CACNA2D3: variants seen among roughly 807,000 people sequenced by gnomAD.
CACNA2D3 encodes voltage-dependent calcium channel subunit alpha-2/delta-3.
A neutral mutation model predicts 160.6 loss-of-function variants in CACNA2D3; 60 were observed. The observed-to-expected ratio is 0.37, with a 90% CI of 0.30 to 0.46. The LOEUF is 0.46. Ranked by LOEUF, CACNA2D3 falls within the 20% of genes least tolerant of loss-of-function variation. The pLI is 1.00. For missense variants in CACNA2D3, 1,205 were observed against 1,365.0 expected, an observed-to-expected ratio of 0.88 and a Z score of 1.85; for synonymous variants, 558 against 492.9, an observed-to-expected ratio of 1.13 and a Z score of -1.75.
intron 9 of CACNA2D3, chr3:54,626,310 G>A (rs1223245368): frequency 3.9e-6 from 6 of 1,546,792 alleles, no homozygotes; most frequent in South Asian, 2.4e-5. Context: ...ACAAGCGGCT[G>A]ATGCCGCTGT....
chr3:54,563,008 G>C, intron 6 of CACNA2D3, 77 bp downstream of exon 6: 1 of 1,383,040 alleles, frequency 7.2e-7, no homozygotes, highest in Non-Finnish European at 9.9e-7. Flanking sequence ...TAGGGTTCAA[G>C]GTTAAAACTT....
intron 13 of CACNA2D3, among the ~76,000 whole-genome samples, chr3:54,787,783 A>T (rs1414099315): frequency 6.6e-6 from 1 of 152,210 alleles, no homozygotes; most frequent in African/African-American, 2.4e-5. Context: ...TGCTGTTTCC[A>T]GTGATAAGAG....
intron 31 of CACNA2D3, among the ~76,000 whole-genome samples, chr3:54,997,057 G>A (rs1392002249): frequency 6.6e-6 from 1 of 152,120 alleles, no homozygotes; most frequent in African/African-American, 2.4e-5. Flanking sequence ...AGCATTAGGA[G>A]AAATACCTAA....
chr3:54,870,938 A>G (rs1180026390), intron 17 of CACNA2D3, among the ~76,000 whole-genome samples: 1 of 152,070 alleles, frequency 6.6e-6, no homozygotes, highest in Non-Finnish European at 1.5e-5. Flanking sequence ...CAAAAGGTAG[A>G]GGAGAGAGAA....
intron 11 of CACNA2D3, among the ~76,000 whole-genome samples, chr3:54,739,245 C>T (rs1246966154): frequency 6.6e-6 from 1 of 151,846 alleles, no homozygotes; most frequent in East Asian, 1.9e-4. Flanking sequence ...CATGGCAAAA[C>T]CCCATCTCTA....
intron 5 of CACNA2D3, among the ~76,000 whole-genome samples, chr3:54,547,995 A>T (rs78285149): frequency 1.3e-5 from 2 of 152,170 alleles, no homozygotes; most frequent in Non-Finnish European, 2.9e-5. Flanking sequence ...CACCCAGCCT[A>T]AAACCTCATT....
intron 13 of CACNA2D3, among the ~76,000 whole-genome samples, chr3:54,777,185 T>G (rs907107987): frequency 6.6e-6 from 1 of 152,192 alleles, no homozygotes; most frequent in African/African-American, 2.4e-5. Flanking sequence ...GTGCCAAATA[T>G]AAATGTGTTA....
rs147519749 is a variant in CACNA2D3, at chr3:54,870,706, C to T, written c.1627-833C>T. ...TTATTCATGCACTCATCAGCTTTTC[C>T]GGAGAAATGCCCTAACAGCCATTAC... On this transcript the variant is annotated intron_variant, in intron 17 of 37. Transcript: ENST00000474759. Among the ~76,000 whole-genome samples, 21 of 152,234 alleles carry T rather than the reference C, an allele frequency of 1.4e-4. No homozygotes were observed. The East Asian group carries it at 3.1e-3, about 22-fold the overall frequency.
intron 13 of CACNA2D3, among the ~76,000 whole-genome samples, chr3:54,802,123 C>G (rs1703004369): frequency 6.6e-6 from 1 of 152,160 alleles, no homozygotes; most frequent in South Asian, 2.1e-4. Context: ...TTTCCTCCTC[C>G]TCCTCTTTCA....
chr3:54,971,312 G>T (rs1470689389), intron 29 of CACNA2D3, among the ~76,000 whole-genome samples: 1 of 152,196 alleles, frequency 6.6e-6, no homozygotes, highest in African/African-American at 2.4e-5. Flanking sequence ...GACATTTATT[G>T]TCTTATTGGA....
chr3:54,337,776 A>G (rs935235187), intron 3 of CACNA2D3, among the ~76,000 whole-genome samples: 1 of 152,190 alleles, frequency 6.6e-6, no homozygotes, highest in African/African-American at 2.4e-5. Context: ...CCTTTCTTCC[A>G]ATAGGTGGCT....
At chr3:54,197,545 C>A (rs1173661584) in intron 2 of CACNA2D3, 5 of 152,128 alleles carry the variant, frequency 3.3e-5, no homozygotes, top group African/African-American at 1.2e-4. Context: ...CATCTTCTTT[C>A]TCTGGTTTGG....
At chr3:54,984,740 A>G (rs1250940636) in intron 30 of CACNA2D3, 70 bp downstream of exon 30, 12 of 921,100 alleles carry the variant, frequency 1.3e-5, no homozygotes, top group Non-Finnish European at 2.0e-5. Flanking sequence ...GGAACAAATT[A>G]TGGTGTTAAA....
intron 27 of CACNA2D3, among the ~76,000 whole-genome samples, chr3:54,955,734 C>CT (rs945237447): frequency 1.3e-5 from 2 of 151,996 alleles, no homozygotes; most frequent in South Asian, 2.1e-4. Context: ...ACCGAGGGGG[C>CT]TTTTTTGGGT....
intron 11 of CACNA2D3, among the ~76,000 whole-genome samples, chr3:54,695,155 T>C (rs1411784182): frequency 3.3e-5 from 5 of 152,126 alleles, no homozygotes; most frequent in Non-Finnish European, 5.9e-5. Context: ...GTAGCTGGGA[T>C]TACAGGTGCC....
At chr3:54,237,176 C>T (rs957835707) in intron 2 of CACNA2D3, among the ~76,000 whole-genome samples, 3 of 152,014 alleles carry the variant, frequency 2.0e-5, no homozygotes, top group African/African-American at 4.8e-5. Flanking sequence ...AGTACCCCCT[C>T]GAAGAATTAA....
intron 13 of CACNA2D3, among the ~76,000 whole-genome samples, chr3:54,813,863 CTTTTTTT>C (rs10699574): frequency 1.6e-5 from 2 of 121,594 alleles, no homozygotes; most frequent in African/African-American, 6.3e-5. Flanking sequence ...TTATAATATT[CTTTTTTT>C]TTTTTTTTTT....
At chr3:54,571,626 T>A in intron 8 of CACNA2D3, among the ~76,000 whole-genome samples, 1 of 146,978 alleles carries the variant, frequency 6.8e-6, no homozygotes, top group East Asian at 2.0e-4. Context: ...TGTGTGTGTG[T>A]GTGTGTGTGT....
chr3:54,887,821 C>T (rs963854542), intron 23 of CACNA2D3, 138 bp from the exon 24 acceptor site: 1 of 653,322 alleles, frequency 1.5e-6, no homozygotes, highest in Admixed American at 2.6e-5. Context: ...ATATTTTCAA[C>T]TAGTGGGAAC....
Sources: gnomAD v4.1 joint callset for allele counts (sites outside exome capture counted in the v4.1 genomes callset) on GRCh38, gnomAD v4.1.1 for gene constraint, MANE v1.5 for transcripts, NCBI Gene and HGNC (gene_info 2026-07-23, HGNC 2026-07-21) for gene names.